The following CR1L variants were observed in gnomAD, a reference collection of about 807,000 sequenced individuals.
CR1L encodes complement component receptor 1-like protein.
In CR1L, 59 loss-of-function variants were observed where a neutral mutation model predicts 62.3. That is an observed-to-expected ratio of 0.95 (90% CI 0.77 to 1.18). The LOEUF is 1.18. CR1L is among the 50% of genes most tolerant of loss of function. The probability of loss-of-function intolerance (pLI) is 0.00; values close to 1 mark genes in which losing one functional copy is unlikely to be tolerated. For missense variants in CR1L, 700 were observed against 702.8 expected (o/e 1.00, Z 0.04); for synonymous variants, 279 against 248.7 (o/e 1.12, Z -1.15).
intron 1 of CR1L, among the ~76,000 whole-genome samples, chr1:207,649,767 T>G (rs1663193209): frequency 6.6e-6 from 1 of 152,150 alleles, no homozygotes; most frequent in Non-Finnish European, 1.5e-5. Context: ...TATCCTGAGG[T>G]CATTGGAGAG....
chr1:207,697,428 T>G, intron 5 of CR1L, 75 bp from the exon 6 acceptor site: 1 of 1,611,272 alleles, frequency 6.2e-7, no homozygotes, highest in South Asian at 1.1e-5. Flanking sequence ...GTAATTATTA[T>G]TCCCTTGGCC....
rs565825373 is a variant in CR1L at position 207,677,583 on chromosome 1, A to G, written c.277+15A>G. On this transcript the variant is annotated intron_variant, in intron 2 of 11. Transcript: ENST00000508064. ...CAAGTGCAAACGTAAGTAACTCTGG[A>G]GTGGGAACCCCTCTGTTAGTCAAAC... The G allele has an allele frequency of 6.2e-6, 10 of 1,609,028 alleles. No individual in the cohort carries two copies. Among genetic ancestry groups the G allele is most frequent in the Non-Finnish European group, 8.5e-6 (10 of 1,178,120 alleles).
At chr1:207,692,132 A>G (rs1210688650) in intron 4 of CR1L, among the ~76,000 whole-genome samples, 1 of 152,178 alleles carries the variant, frequency 6.6e-6, no homozygotes, top group Non-Finnish European at 1.5e-5. Flanking sequence ...TTACATCTTC[A>G]CTCGTTATAA....
chr1:207,710,643 C>T, intron 10 of CR1L: 1 of 1,610,078 alleles, frequency 6.2e-7, no homozygotes, highest in Non-Finnish European at 8.5e-7. Flanking sequence ...ATATTGGTGT[C>T]TGACAACAGA....
Position 207,699,720 on chromosome 1 carries a change from T to C in CR1L, c.1228+446T>C, listed in dbSNP as rs369202297. Among the ~76,000 whole-genome samples, 16 of 152,200 alleles carry C rather than the reference T, an allele frequency of 1.1e-4. No homozygotes were observed. In the East Asian group the frequency reaches 1.9e-3, roughly 18 times the overall value. Reference sequence around the variant, plus strand: ...GTATATATTTGATAATACTCAAGTATCAAACATGCCTTTATTTAATCAATT... The same window carrying C: ...GTATATATTTGATAATACTCAAGTACCAAACATGCCTTTATTTAATCAATT... On this transcript the variant is annotated intron_variant, in intron 8 of 11. Coordinates refer to ENST00000508064, the MANE Select transcript of CR1L (RefSeq NM_175710.2).
At chr1:207,663,161 C>G (rs1009453238) in intron 1 of CR1L, among the ~76,000 whole-genome samples, 3 of 152,200 alleles carry the variant, frequency 2.0e-5, no homozygotes, top group Non-Finnish European at 4.4e-5. Context: ...AACCACTACT[C>G]TCTTCAAAGC....
chr1:207,691,182 C>G (rs958129629), intron 4 of CR1L, among the ~76,000 whole-genome samples: 27 of 152,134 alleles, frequency 1.8e-4, no homozygotes, highest in Non-Finnish European at 5.9e-5. Flanking sequence ...TAAATAATTG[C>G]ATTTGTTAAA....
intron 4 of CR1L, among the ~76,000 whole-genome samples, chr1:207,693,702 T>G: frequency 6.6e-6 from 1 of 152,228 alleles, no homozygotes. Flanking sequence ...TTGTGAAATA[T>G]TGAAATTACA....
intron 9 of CR1L, among the ~76,000 whole-genome samples, chr1:207,707,165 C>G (rs188120197): frequency 1.3e-5 from 2 of 152,278 alleles, no homozygotes; most frequent in Non-Finnish European, 2.9e-5. Flanking sequence ...ACAGCTGAAT[C>G]TATCTGTTCC....
chr1:207,684,185 G>C (rs1663852578), intron 4 of CR1L: 1 of 366,128 alleles, frequency 2.7e-6, no homozygotes, highest in Middle Eastern at 7.6e-4. Flanking sequence ...ATACGTAAAA[G>C]GCTTCAAACT....
chr1:207,701,585 T>C lies in CR1L; in HGVS notation c.1295T>C (p.Val432Ala), dbSNP rs747270860. The C allele has an allele frequency of 5.6e-6, 9 of 1,613,836 alleles. 1 individual carries two copies. The South Asian group carries it at 7.7e-5, about 14-fold the overall frequency. Residue 432 changes from valine (V) to alanine (A), a missense_variant, in exon 9 of 12, where the codon GTT (valine) becomes GCT (alanine). Coordinates refer to ENST00000508064, the MANE Select transcript of CR1L (RefSeq NM_175710.2). ...GMVHVITDIHVGSRINYSCTT... is the reference protein window; with the variant it reads ...GMVHVITDIHAGSRINYSCTT... ...GTGCATGTGATCACAGACATCCATGTTGGATCCAGAATCAACTATTCTTGT... is the reference window on the plus strand; with the variant it reads ...GTGCATGTGATCACAGACATCCATGCTGGATCCAGAATCAACTATTCTTGT...
chr1:207,706,322 G>T (rs1433633515), intron 9 of CR1L, among the ~76,000 whole-genome samples: 1 of 151,876 alleles, frequency 6.6e-6, no homozygotes, highest in South Asian at 2.1e-4. Flanking sequence ...ACAGGAGACT[G>T]AGGTGAAAGG....
In CR1L at chr1:207,694,554, C is replaced by T. The variant is rs1664043156; in HGVS notation, c.665C>T (p.Pro222Leu). 2.5e-6 allele frequency: 4 copies of T among 1,612,496 alleles called. No individual in the cohort carries two copies. The highest frequency in any genetic ancestry group is 3.4e-6 in the Non-Finnish European group (4 of 1,179,798). ...GTGGGCATCTGGAGTGGCCCAGCCC[C>T]TCAGTGCATTATACCTAACAAATGC... is the stretch of plus-strand genomic sequence containing the variant. ...DQVGIWSGPA[P>L]QCIIPNKCTP... Residue 222 changes from proline to leucine, a missense_variant, in exon 5 of 12, where the codon CCT (proline) becomes CTT (leucine). Physicochemically the swap from Pro to Leu is moderately conservative, Grantham distance 98. Transcript: ENST00000508064.
chr1:207,672,030 C>T (rs1344954586), intron 1 of CR1L, among the ~76,000 whole-genome samples: 1 of 150,920 alleles, frequency 6.6e-6, no homozygotes, highest in Admixed American at 6.6e-5. Context: ...ACATATTAAA[C>T]CAACTATATC....
intron 2 of CR1L, 47 bp from the exon 3 acceptor site, chr1:207,678,151 A>T (rs77643396): frequency 1.3e-6 from 2 of 1,570,330 alleles, no homozygotes; most frequent in Non-Finnish European, 8.8e-7. Flanking sequence ...CTAAAAAAAA[A>T]TTCAGTTTAC....
intron 1 of CR1L, among the ~76,000 whole-genome samples, chr1:207,663,182 G>T (rs757803808): frequency 3.3e-5 from 5 of 152,176 alleles, no homozygotes; most frequent in Non-Finnish European, 5.9e-5. Flanking sequence ...TGTCAGACAG[G>T]GACATTTAAG....
intron 1 of CR1L, chr1:207,652,560 GC>G: frequency 6.5e-7 from 1 of 1,542,748 alleles, no homozygotes. Context: ...CCTATGAGGA[GC>G]CACCAACATT....
intron 4 of CR1L, among the ~76,000 whole-genome samples, chr1:207,691,432 GTCTT>G (rs1182114726): frequency 2.6e-5 from 4 of 151,514 alleles, no homozygotes; most frequent in African/African-American, 7.3e-5. Flanking sequence ...GTTTTATTCA[GTCTT>G]TCTTTGTTGT....
chr1:207,713,224 G>A (rs1183920768), intron 10 of CR1L, among the ~76,000 whole-genome samples: 3 of 152,000 alleles, frequency 2.0e-5, no homozygotes, highest in Non-Finnish European at 4.4e-5. Context: ...TTATTTGGAG[G>A]CAAAAGAACA....
Sources: gnomAD v4.1 joint callset for allele counts (sites outside exome capture counted in the v4.1 genomes callset) on GRCh38, gnomAD v4.1.1 for gene constraint, MANE v1.5 for transcripts, NCBI Gene and HGNC (gene_info 2026-07-23, HGNC 2026-07-21) for gene names.